Variants in CCDC12 observed in about 807,000 individuals in gnomAD.
CCDC12 encodes coiled-coil domain containing 12.
A neutral mutation model predicts 25.7 loss-of-function variants in CCDC12; 28 were observed. The observed-to-expected ratio is 1.09, with a 90% CI of 0.81 to 1.50. The LOEUF is 1.50. Among genes scored for constraint, CCDC12 ranks in the 40% most tolerant of loss-of-function variants. CCDC12 has a pLI of 0.00. For synonymous variants in CCDC12, 75 were observed against 87.7 expected (o/e 0.86, Z 0.81); for missense variants, 198 against 210.0 (o/e 0.94, Z 0.35).
At position 46,931,696 on chromosome 3, in the gene CCDC12, C is replaced by T. The variant is rs115080755; in HGVS notation, c.165-6161G>A. On this transcript the variant is annotated intron_variant, in intron 2 of 6. Transcript: ENST00000683445. ...AGGTCCTCCACCTGGCCACCCTGGT[C>T]CCTCCTGGCCATACAGGCCCCATCA... Among the ~76,000 whole-genome samples the T allele has an allele frequency of 4.3e-3, 655 of 152,318 alleles. 8 individuals carry two copies. The highest frequency in any genetic ancestry group is 0.014 in the African/African-American group (585 of 41,564).
At chr3:46,937,980 G>A (rs1245414318) in intron 2 of CCDC12, among the ~76,000 whole-genome samples, 1 of 152,192 alleles carries the variant, frequency 6.6e-6, no homozygotes, top group South Asian at 2.1e-4. Flanking sequence ...CCGAGTAGCA[G>A]GCCCTGCCAG....
chr3:46,931,124 G>A (rs146596082), intron 2 of CCDC12, among the ~76,000 whole-genome samples: 89 of 152,324 alleles, frequency 5.8e-4, no homozygotes, highest in African/African-American at 1.8e-3. Context: ...TGGCTGGGCC[G>A]GGGCAGCCAA....
chr3:46,942,968 AG>A (rs988142876), intron 1 of CCDC12, among the ~76,000 whole-genome samples: 4 of 151,684 alleles, frequency 2.6e-5, no homozygotes, highest in African/African-American at 9.7e-5. Context: ...GGGTTGGGGG[AG>A]GGGGTGACAA....
At chr3:46,939,947 C>G (rs912690688) in intron 2 of CCDC12, among the ~76,000 whole-genome samples, 6 of 151,916 alleles carry the variant, frequency 3.9e-5, no homozygotes, top group African/African-American at 1.4e-4. Flanking sequence ...CCCGCTCCCC[C>G]TGGGCAAAGC....
intron 1 of CCDC12, among the ~76,000 whole-genome samples, chr3:46,949,032 C>T (rs998053328): frequency 5.9e-5 from 9 of 152,186 alleles, no homozygotes; most frequent in African/African-American, 2.2e-4. Context: ...TTCTTATCCT[C>T]GGTGCACAGA....
At chr3:46,974,764 C>G (rs1043794908) in intron 1 of CCDC12, among the ~76,000 whole-genome samples, 3 of 152,194 alleles carry the variant, frequency 2.0e-5, no homozygotes, top group African/African-American at 7.2e-5. Flanking sequence ...ACAGGTCTAG[C>G]TATTTAACAT....
At chr3:46,978,102 G>T (rs940807505), upstream of CCDC12, among the ~76,000 whole-genome samples, 9 of 152,304 alleles carry the variant, frequency 5.9e-5, no homozygotes, top group African/African-American at 2.2e-4. Flanking sequence ...CTGGCTACAG[G>T]TGGACATCCA....
chr3:46,940,645 C>T, intron 2 of CCDC12: 1 of 257,518 alleles, frequency 3.9e-6, no homozygotes, highest in Non-Finnish European at 7.5e-6. Context: ...CTAGATGGTC[C>T]AGGCAGAGCT....
chr3:46,970,686 C>A (rs570257448), intron 1 of CCDC12, among the ~76,000 whole-genome samples: 1 of 152,334 alleles, frequency 6.6e-6, no homozygotes, highest in Admixed American at 6.5e-5. Flanking sequence ...CAATTCAGGG[C>A]AATCGCTCAG....
At chr3:46,924,984 T>C in intron 3 of CCDC12, 1 of 325,602 alleles carries the variant, frequency 3.1e-6, no homozygotes, top group Non-Finnish European at 6.1e-6. Context: ...ATGGCAAGAG[T>C]CTAGGCAAGC....
chr3:46,977,640 G>C (rs2035035570), upstream of CCDC12, among the ~76,000 whole-genome samples: 2 of 152,170 alleles, frequency 1.3e-5, no homozygotes, highest in African/African-American at 4.8e-5. Context: ...AGCCTGCACA[G>C]TGAGGGGGAC....
intron 1 of CCDC12, among the ~76,000 whole-genome samples, chr3:46,956,925 C>T (rs2034307252): frequency 6.6e-6 from 1 of 152,166 alleles, no homozygotes; most frequent in African/African-American, 2.4e-5. Flanking sequence ...AAGCCAGGGC[C>T]AGACCTCGGG....
intron 5 of CCDC12, 146 bp from the exon 6 acceptor site, chr3:46,922,458 C>A (rs2032725896): frequency 1.3e-6 from 1 of 755,432 alleles, no homozygotes; most frequent in East Asian, 2.6e-5. Flanking sequence ...CAGGACATTC[C>A]CCTTCTGTAC....
intron 2 of CCDC12, chr3:46,940,661 T>C (rs1213460420): frequency 1.8e-5 from 5 of 280,234 alleles, no homozygotes; most frequent in Non-Finnish European, 2.0e-5. Flanking sequence ...GAGCTTCACA[T>C]GCCAAGTGCA....
chr3:46,958,160 G>A (rs1369049514), intron 1 of CCDC12, among the ~76,000 whole-genome samples: 4 of 152,074 alleles, frequency 2.6e-5, no homozygotes, highest in African/African-American at 7.2e-5. Context: ...TTTTATTGGC[G>A]GTCTGAAGAA....
chr3:46,923,247 A>G, intron 5 of CCDC12, 82 bp downstream of exon 5: 2 of 1,347,508 alleles, frequency 1.5e-6, no homozygotes, highest in South Asian at 3.6e-5. Context: ...CTGTGACGGC[A>G]GGAAGGGCCA....
intron 2 of CCDC12, among the ~76,000 whole-genome samples, chr3:46,933,666 G>A (rs553856047): frequency 6.8e-4 from 104 of 152,268 alleles, no homozygotes; most frequent in African/African-American, 2.4e-3. Flanking sequence ...CATAGCTAGT[G>A]GGTACTTAAG....
intron 1 of CCDC12, among the ~76,000 whole-genome samples, chr3:46,951,779 CAA>C (rs1198903085): frequency 7.3e-5 from 1 of 13,660 alleles, no homozygotes; most frequent in African/African-American, 3.1e-4. Flanking sequence ...GACTCCGTCT[CAA>C]AAAAAAAAAA....
chr3:46,960,476 A>AG (rs956389984), intron 1 of CCDC12, among the ~76,000 whole-genome samples: 15 of 152,096 alleles, frequency 9.9e-5, no homozygotes, highest in African/African-American at 3.1e-4. Context: ...AAACAATGGG[A>AG]GGGGGGCTGT....
Sources: allele counts gnomAD v4.1 joint callset (sites outside exome capture counted in the v4.1 genomes callset), GRCh38; gene constraint gnomAD v4.1.1; transcripts MANE v1.5; gene names NCBI Gene and HGNC (gene_info 2026-07-23, HGNC 2026-07-21).